The following CYP7B1 variants were observed in gnomAD, a reference collection of about 807,000 sequenced individuals.
CYP7B1 encodes cytochrome P450 family 7 subfamily B member 1, also known as cytochrome P450 7B1.
A neutral mutation model predicts 42.7 loss-of-function variants in CYP7B1; 29 were observed. The observed-to-expected ratio is 0.68, with a 90% confidence interval of 0.51 to 0.93. The LOEUF (loss-of-function observed/expected upper bound fraction) is 0.93, where lower values mean the gene tolerates loss of function less well. Ranked by LOEUF, CYP7B1 falls within the 40% of genes least tolerant of loss-of-function variation. The pLI, the probability that CYP7B1 is intolerant of heterozygous loss-of-function variation, is 0.00. For synonymous variants in CYP7B1, 235 were observed against 218.2 expected, an observed-to-expected ratio of 1.08 and a Z score of -0.68; for missense variants, 655 against 600.5, an observed-to-expected ratio of 1.09 and a Z score of -0.95.
At chr8:64,697,792 G>A (rs751330296) in intron 1 of CYP7B1, among the ~76,000 whole-genome samples, 1 of 152,154 alleles carries the variant, frequency 6.6e-6, no homozygotes, top group Non-Finnish European at 1.5e-5. Context: ...CTCAACCACT[G>A]ATAGAAATGT....
chr8:64,624,311 T>C (rs1805574294), intron 2 of CYP7B1, 92 bp downstream of exon 2: 1 of 1,194,098 alleles, frequency 8.4e-7, no homozygotes, highest in Admixed American at 2.0e-5. Context: ...TATACAAATA[T>C]TCTACATTTT....
intron 1 of CYP7B1, among the ~76,000 whole-genome samples, chr8:64,745,574 C>G (rs1011667821): frequency 6.6e-5 from 10 of 152,242 alleles, no homozygotes; most frequent in Admixed American, 2.6e-4. Flanking sequence ...CTAATACTAA[C>G]AGACCTGTGT....
intron 2 of CYP7B1, among the ~76,000 whole-genome samples, chr8:64,618,570 T>TTCTC (rs10530120): frequency 0.018 from 2,592 of 146,310 alleles, 53 homozygotes; most frequent in African/African-American, 0.051. Context: ...CACATTCATT[T>TTCTC]TCTCTCTCTC....
chr8:64,658,736 G>A (rs1302202944), intron 1 of CYP7B1, among the ~76,000 whole-genome samples: 1 of 152,174 alleles, frequency 6.6e-6, no homozygotes. Context: ...TGCACATCCA[G>A]GATAGCAGCA....
intron 1 of CYP7B1, among the ~76,000 whole-genome samples, chr8:64,708,545 C>T (rs1807033637): frequency 6.6e-6 from 1 of 152,128 alleles, no homozygotes; most frequent in South Asian, 2.1e-4. Context: ...CTAGGCGTTT[C>T]AGTTTGTTGC....
intron 1 of CYP7B1, among the ~76,000 whole-genome samples, chr8:64,789,182 T>G (rs537630142): frequency 6.6e-6 from 1 of 152,026 alleles, no homozygotes; most frequent in South Asian, 2.1e-4. Flanking sequence ...CCCACCTTGG[T>G]CTCCCAAAGT....
intron 2 of CYP7B1, among the ~76,000 whole-genome samples, chr8:64,621,964 C>A (rs980358556): frequency 6.6e-6 from 1 of 150,950 alleles, no homozygotes; most frequent in African/African-American, 2.4e-5. Flanking sequence ...AGGATGGTCT[C>A]GAATTCCTAC....
chr8:64,787,562 C>T (rs1804547860), intron 1 of CYP7B1, among the ~76,000 whole-genome samples: 1 of 152,198 alleles, frequency 6.6e-6, no homozygotes, highest in Non-Finnish European at 1.5e-5. Flanking sequence ...CCAAACTTTC[C>T]CACATCTTCC....
At chr8:64,587,299 C>A (rs1289265589), downstream of CYP7B1, among the ~76,000 whole-genome samples, 1 of 151,994 alleles carries the variant, frequency 6.6e-6, no homozygotes, top group African/African-American at 2.4e-5. Flanking sequence ...CCGAAGAGCA[C>A]CCCTTCTCTC....
chr8:64,630,996 A>T (rs1563369935), intron 1 of CYP7B1, among the ~76,000 whole-genome samples: 1 of 152,250 alleles, frequency 6.6e-6, no homozygotes, highest in Non-Finnish European at 1.5e-5. Flanking sequence ...AGGCCCAGAT[A>T]GTCTCATTGG....
At chr8:64,765,498 C>T (rs144524556) in intron 1 of CYP7B1, among the ~76,000 whole-genome samples, 88 of 152,300 alleles carry the variant, frequency 5.8e-4, no homozygotes, top group Non-Finnish European at 1.1e-3. Context: ...GGACTCACCC[C>T]TGAGCACAAA....
downstream of CYP7B1, chr8:64,589,887 T>C (rs542611768): frequency 1.3e-5 from 2 of 152,216 alleles, no homozygotes; most frequent in East Asian, 1.9e-4. Flanking sequence ...TCTCTGAACA[T>C]TTACTTTTTG....
intron 1 of CYP7B1, among the ~76,000 whole-genome samples, chr8:64,757,490 T>C (rs1414184271): frequency 6.6e-6 from 1 of 152,204 alleles, no homozygotes; most frequent in Non-Finnish European, 1.5e-5. Context: ...GCATTAGTAT[T>C]TCCCTAGCAT....
rs1326934355 is a variant in CYP7B1, at chr8:64,798,626, G to A, written c.-39C>T. 10 of 1,446,932 alleles carry A rather than the reference G, an allele frequency of 6.9e-6. No individual in the cohort carries two copies. The highest frequency in any genetic ancestry group is 1.5e-5 in the African/African-American group (1 of 66,822). The allele number at this position is 1,446,932 out of a possible 1,614,324, so 89.6% of individuals were successfully genotyped here. A position where few individuals can be genotyped will look rare whatever the true frequency, so the allele number is the denominator to read the frequency against. Reference sequence around the variant, plus strand: ...GGCCGCGGTGGGCAGCCCGGGGTCTGCCTGCGAACAGCGCGGTCGGCGACT... The same window carrying A: ...GGCCGCGGTGGGCAGCCCGGGGTCTACCTGCGAACAGCGCGGTCGGCGACT... On this transcript the variant is annotated 5_prime_UTR_variant, in exon 1 of 6. Transcript: ENST00000310193.
chr8:64,658,804 T>C (rs1276168394), intron 1 of CYP7B1, among the ~76,000 whole-genome samples: 1 of 152,212 alleles, frequency 6.6e-6, no homozygotes, highest in Non-Finnish European at 1.5e-5. Flanking sequence ...AATTCACACC[T>C]GACTTCCAGC....
intron 1 of CYP7B1, among the ~76,000 whole-genome samples, chr8:64,710,521 T>C (rs534169152): frequency 5.9e-5 from 9 of 152,328 alleles, no homozygotes; most frequent in African/African-American, 2.2e-4. Flanking sequence ...ATTTGACACC[T>C]TCTCTCTTAG....
intron 1 of CYP7B1, among the ~76,000 whole-genome samples, chr8:64,706,084 A>C (rs964403521): frequency 2.0e-5 from 3 of 152,078 alleles, no homozygotes; most frequent in Non-Finnish European, 4.4e-5. Flanking sequence ...CTTTGCTGGA[A>C]AAAGAAAACA....
chr8:64,608,114 A>G (rs1805310515), intron 4 of CYP7B1, among the ~76,000 whole-genome samples: 1 of 152,192 alleles, frequency 6.6e-6, no homozygotes, highest in South Asian at 2.1e-4. Context: ...CAGGATACAA[A>G]ATTATTTTGA....
chr8:64,657,476 G>C (rs1331496420), intron 1 of CYP7B1, among the ~76,000 whole-genome samples: 1 of 152,144 alleles, frequency 6.6e-6, no homozygotes. Context: ...GTGGCATACA[G>C]GGTAAAAATT....
Sources: allele counts gnomAD v4.1 joint callset (sites outside exome capture counted in the v4.1 genomes callset), GRCh38; gene constraint gnomAD v4.1.1; transcripts MANE v1.5; gene names NCBI Gene and HGNC (gene_info 2026-07-23, HGNC 2026-07-21).